Variants in TIMM21 observed in about 807,000 individuals in gnomAD.
TIMM21 encodes mitochondrial import inner membrane translocase subunit Tim21.
TIMM21 carries 30 observed loss-of-function variants against 27.7 expected under a neutral mutation model. The ratio of observed to expected loss-of-function variants is 1.08; its 90% CI spans 0.81 to 1.47. The LOEUF is 1.47. TIMM21 is among the 40% of genes most tolerant of loss of function. The pLI is 0.00. For synonymous variants in TIMM21, 121 were observed against 114.4 expected (o/e 1.06, Z -0.37); for missense variants, 292 against 302.9 (o/e 0.96, Z 0.27).
intron 1 of TIMM21, among the ~76,000 whole-genome samples, chr18:74,151,190 C>CG (rs1377750539): frequency 6.6e-6 from 1 of 152,144 alleles, no homozygotes; most frequent in Non-Finnish European, 1.5e-5. Context: ...TGGTGAAGGA[C>CG]GGGGGGAGTC....
Position 74,158,485 on chromosome 18 carries a change from G to GCAAGCA in TIMM21, c.*5_*6insCAAGCA, listed in dbSNP as rs60712385. 0.15 allele frequency: 230,350 copies of GCAAGCA among 1,552,276 alleles called. 25,477 individuals are homozygous for GCAAGCA. The highest frequency in any genetic ancestry group is 0.54 in the African/African-American group (39,628 of 72,980). ...AATCGATCCCAAGATGATTAAAATA[G>GCAAGCA]GGTTTCTGATGGATGTTGAATGGCG... On this transcript the variant is annotated 3_prime_UTR_variant, in exon 6 of 6. Coordinates refer to ENST00000169551, the MANE Select transcript of TIMM21 (RefSeq NM_014177.3).
At chr18:74,156,855 G>T (rs1341670647) in intron 3 of TIMM21, 1 of 152,066 alleles carries the variant, frequency 6.6e-6, no homozygotes, top group Non-Finnish European at 1.5e-5. Flanking sequence ...TTTTTAAGGG[G>T]TACCCTTCTC....
chr18:74,154,274 T>C (rs1217949851), intron 1 of TIMM21, among the ~76,000 whole-genome samples: 1 of 152,214 alleles, frequency 6.6e-6, no homozygotes, highest in Non-Finnish European at 1.5e-5. Flanking sequence ...ACTGTCTTTT[T>C]TTTTTTGGAC....
At chr18:74,156,616 G>A (rs1281510740) in intron 3 of TIMM21, 1 of 233,732 alleles carries the variant, frequency 4.3e-6, no homozygotes. Flanking sequence ...TACAGACTCC[G>A]GAAATACCTG....
intron 1 of TIMM21, among the ~76,000 whole-genome samples, chr18:74,150,826 G>A (rs1201267511): frequency 1.3e-5 from 2 of 152,140 alleles, no homozygotes; most frequent in Non-Finnish European, 2.9e-5. Context: ...TGTATCTAAG[G>A]TCTCTAAGAA....
At position 74,152,050 on chromosome 18, in the gene TIMM21, G is replaced by A. The variant is rs778827768; in HGVS notation, c.301+2941G>A. On this transcript the variant is annotated intron_variant, in intron 1 of 5. Coordinates refer to ENST00000169551, the MANE Select transcript of TIMM21 (RefSeq NM_014177.3). The surrounding 1 kb of genome is among the most constrained non-coding windows in gnomAD (Gnocchi z 4.1). ...GAGGGGAGGTGGAGAGCCCTCCTGAGAGCAGCACGTATCTTGCTAGGCAGA... is the reference window on the plus strand; with the variant it reads ...GAGGGGAGGTGGAGAGCCCTCCTGAAAGCAGCACGTATCTTGCTAGGCAGA... Among the ~76,000 whole-genome samples, 1 of 151,144 alleles carries A rather than the reference G, an allele frequency of 6.6e-6. No homozygotes were observed. The highest frequency in any genetic ancestry group is 1.5e-5 in the Non-Finnish European group (1 of 67,974).
intron 1 of TIMM21, among the ~76,000 whole-genome samples, chr18:74,154,330 T>C (rs556142819): frequency 1.7e-3 from 253 of 152,058 alleles, no homozygotes; most frequent in African/African-American, 5.1e-3. Context: ...GGCGCTATCT[T>C]GGCTCACTGC....
rs1979918157 is a variant in TIMM21, at chr18:74,155,219, C to A, written c.364+12C>A. ...AATCAGCATTACAGGTTGCAAAAAA[C>A]AGCAAGTATAAGCCCTTGAATATTT... On this transcript the variant is annotated intron_variant, in intron 2 of 5. Coordinates refer to ENST00000169551, the MANE Select transcript of TIMM21 (RefSeq NM_014177.3). 6.2e-7 allele frequency: 1 copy of A among 1,614,140 alleles called. No homozygotes were observed. The highest frequency in any genetic ancestry group is 8.5e-7 in the Non-Finnish European group (1 of 1,179,974).
In TIMM21 at chr18:74,152,690, A is replaced by C. The variant is rs562950493; in HGVS notation, c.302-2455A>C. Among the ~76,000 whole-genome samples the C allele has an allele frequency of 6.6e-6, 1 of 152,248 alleles. No individual in the cohort carries two copies. Among genetic ancestry groups the C allele is most frequent in the Non-Finnish European group, 1.5e-5 (1 of 68,014 alleles). ...CCGGCAAGCCAGCTCCAAAATCCAAATTGAGAGCTGCTTACCACTCCTGGT... is the reference window on the plus strand; with the variant it reads ...CCGGCAAGCCAGCTCCAAAATCCAACTTGAGAGCTGCTTACCACTCCTGGT... On this transcript the variant is annotated intron_variant, in intron 1 of 5. Transcript: ENST00000169551. The surrounding 1 kb of genome is among the most constrained non-coding windows in gnomAD (Gnocchi z 4.1).
intron 1 of TIMM21, among the ~76,000 whole-genome samples, chr18:74,150,246 T>C (rs1482621039): frequency 6.6e-6 from 1 of 152,208 alleles, no homozygotes; most frequent in East Asian, 1.9e-4. Flanking sequence ...AAATGTGATA[T>C]TCTCCTGAAT....
At chr18:74,154,301 G>T (rs566909688) in intron 1 of TIMM21, among the ~76,000 whole-genome samples, 9 of 140,438 alleles carry the variant, frequency 6.4e-5, no homozygotes, top group African/African-American at 2.4e-4. Flanking sequence ...TCGCTCTTTC[G>T]CCCAGGCCGT....
At chr18:74,151,942 C>G (rs539489239) in intron 1 of TIMM21, among the ~76,000 whole-genome samples, 32 of 145,076 alleles carry the variant, frequency 2.2e-4, no homozygotes, top group Non-Finnish European at 3.9e-4. Context: ...TATGTTCCCC[C>G]CCCCCCCGGG....
chr18:74,158,609 T>C lies in TIMM21; in HGVS notation c.*129T>C, dbSNP rs1037659134. Reference sequence around the variant, plus strand: ...CTTATAAAGTGAATCTAATACAGTATTTGTTGCATTTAAACAAACTAGACA... The same window carrying C: ...CTTATAAAGTGAATCTAATACAGTACTTGTTGCATTTAAACAAACTAGACA... On this transcript the variant is annotated 3_prime_UTR_variant, in exon 6 of 6. Transcript: ENST00000169551. The C allele has an allele frequency of 2.5e-5, 16 of 641,790 alleles. No individual in the cohort carries two copies. Among genetic ancestry groups the C allele is most frequent in the African/African-American group, 5.6e-5 (3 of 53,336 alleles). The allele number at this position is 641,790 out of a possible 1,614,324, so 39.8% of individuals were successfully genotyped here.
intron 3 of TIMM21, 25 bp downstream of exon 3, chr18:74,155,428 T>G (rs1979926319): frequency 5.7e-6 from 9 of 1,567,782 alleles, no homozygotes; most frequent in Non-Finnish European, 7.8e-6. Context: ...TTGAGTTACA[T>G]GAACTCTGAT....
Position 74,152,667 on chromosome 18 carries a change from G to A in TIMM21, c.302-2478G>A, listed in dbSNP as rs754017813. On this transcript the variant is annotated intron_variant, in intron 1 of 5. Coordinates refer to ENST00000169551, the MANE Select transcript of TIMM21 (RefSeq NM_014177.3). The surrounding 1 kb of genome is among the most constrained non-coding windows in gnomAD (Gnocchi z 4.1). ...GGGTCCTCATTGCCAGCCAGTGGCCGGCAAGCCAGCTCCAAAATCCAAATT... is the reference window on the plus strand; with the variant it reads ...GGGTCCTCATTGCCAGCCAGTGGCCAGCAAGCCAGCTCCAAAATCCAAATT... Among the ~76,000 whole-genome samples, 28 of 152,162 alleles carry A rather than the reference G, an allele frequency of 1.8e-4. No homozygotes were observed. The highest frequency in any genetic ancestry group is 3.5e-4 in the Non-Finnish European group (24 of 68,032).
At chr18:74,154,407 G>A (rs867499819) in intron 1 of TIMM21, among the ~76,000 whole-genome samples, 15 of 152,090 alleles carry the variant, frequency 9.9e-5, no homozygotes, top group Admixed American at 2.6e-4. Context: ...GACTACAGGC[G>A]CCCGCCACTG....
At position 74,148,945 on chromosome 18, in the gene TIMM21, A is replaced by T; in HGVS notation, c.137A>T (p.Gln46Leu). 1.2e-6 allele frequency: 2 copies of T among 1,614,206 alleles called. No individual in the cohort carries two copies. Among genetic ancestry groups the T allele is most frequent in the Non-Finnish European group, 1.7e-6 (2 of 1,180,042 alleles). ...KTEPSLRCGL[Q>L]YQKKTLRPRC... ...GAGCCCAGTTTGAGATGTGGGCTTC[A>T]ATATCAAAAGAAAACGCTGCGACCT... The change falls in exon 1 of 6, where the codon CAA becomes CTA. Residue 46 changes from glutamine to leucine, a missense_variant. By Grantham distance (113) the Gln-to-Leu change is moderately radical. Transcript: ENST00000169551.
At chr18:74,151,073 C>T (rs1979787847) in intron 1 of TIMM21, among the ~76,000 whole-genome samples, 1 of 152,184 alleles carries the variant, frequency 6.6e-6, no homozygotes, top group African/African-American at 2.4e-5. Context: ...CTGTGAGCTT[C>T]TTACATCCGG....
chr18:74,157,874 C>T (rs1048529130), intron 3 of TIMM21, 140 bp from the exon 4 acceptor site: 3 of 856,336 alleles, frequency 3.5e-6, no homozygotes, highest in African/African-American at 1.7e-5. Flanking sequence ...GGATTATAGG[C>T]GTGAGCCAGG....
Sources: gnomAD v4.1 joint callset for allele counts (sites outside exome capture counted in the v4.1 genomes callset) on GRCh38, gnomAD v4.1.1 for gene constraint, Gnocchi (gnomAD v3.1) non-coding constraint, MANE v1.5 for transcripts, NCBI Gene and HGNC (gene_info 2026-07-23, HGNC 2026-07-21) for gene names.